The following CTNND2 variants were observed in gnomAD, a reference collection of about 807,000 sequenced individuals.
The protein encoded by CTNND2 is catenin delta-2.
In CTNND2, 22 loss-of-function variants were observed where a neutral mutation model predicts 144.4. The ratio of observed to expected loss-of-function variants is 0.15; its 90% CI spans 0.11 to 0.22. The LOEUF is 0.22. CTNND2 is among the 10% of genes least tolerant of loss of function. The pLI is 1.00. For missense variants in CTNND2, 1,353 were observed against 1,618.8 expected, an observed-to-expected ratio of 0.84 and a Z score of 2.82; for synonymous variants, 751 against 695.6, an observed-to-expected ratio of 1.08 and a Z score of -1.25.
At position 11,239,784 on chromosome 5, in the gene CTNND2, C is replaced by T. The variant is rs61750721; in HGVS notation, c.1629-2961G>A. On this transcript the variant is annotated intron_variant, in intron 9 of 21. Transcript: ENST00000304623. ...CCACTCAAATGCGGGGCCTCAGGCT[C>T]TTTACAACTTCCTCGGGGAATCCCG... Among the ~76,000 whole-genome samples the T allele has an allele frequency of 8.1e-3, 1,228 of 152,308 alleles. 12 individuals carry two copies. The highest frequency in any genetic ancestry group is 0.013 in the Non-Finnish European group (902 of 68,026).
chr5:11,769,427 A>G (rs1481117784), intron 1 of CTNND2, among the ~76,000 whole-genome samples: 1 of 152,226 alleles, frequency 6.6e-6, no homozygotes, highest in Non-Finnish European at 1.5e-5. Context: ...TAAATTCTTA[A>G]AGGAATTTTG....
chr5:11,256,974 C>A (rs1744317897), intron 9 of CTNND2, among the ~76,000 whole-genome samples: 1 of 152,154 alleles, frequency 6.6e-6, no homozygotes, highest in African/African-American at 2.4e-5. Flanking sequence ...TAAAAAAAGT[C>A]CAGACATTGT....
intron 1 of CTNND2, among the ~76,000 whole-genome samples, chr5:11,821,208 T>C (rs1392547678): frequency 6.6e-6 from 1 of 152,230 alleles, no homozygotes; most frequent in Non-Finnish European, 1.5e-5. Flanking sequence ...AGCTTATTCG[T>C]GTCATCTTAT....
chr5:11,056,251 G>A (rs1276843528), intron 16 of CTNND2, among the ~76,000 whole-genome samples: 10 of 152,126 alleles, frequency 6.6e-5, no homozygotes, highest in Non-Finnish European at 1.2e-4. Context: ...GTCACAATAC[G>A]TAGTGATGCC....
At chr5:11,442,416 C>A (rs971727920) in intron 3 of CTNND2, among the ~76,000 whole-genome samples, 17 of 152,162 alleles carry the variant, frequency 1.1e-4, no homozygotes, top group Non-Finnish European at 2.1e-4. Flanking sequence ...ATACAACTAA[C>A]ACTGACAGAA....
At chr5:11,737,681 T>C (rs1787767987) in intron 1 of CTNND2, among the ~76,000 whole-genome samples, 1 of 152,194 alleles carries the variant, frequency 6.6e-6, no homozygotes, top group Non-Finnish European at 1.5e-5. Flanking sequence ...TTAATCCCTA[T>C]GTGACTGTAT....
intron 12 of CTNND2, among the ~76,000 whole-genome samples, chr5:11,119,162 A>G (rs1753837728): frequency 6.6e-6 from 1 of 152,222 alleles, no homozygotes; most frequent in Non-Finnish European, 1.5e-5. Context: ...AAAGGGCTTC[A>G]GGCCTGTTGT....
chr5:11,575,255 C>T (rs1777889154), intron 2 of CTNND2, among the ~76,000 whole-genome samples: 1 of 152,182 alleles, frequency 6.6e-6, no homozygotes, highest in African/African-American at 2.4e-5. Context: ...GCTCTCAGTA[C>T]ATGAGGAATA....
intron 17 of CTNND2, among the ~76,000 whole-genome samples, chr5:11,019,464 G>A (rs1331883730): frequency 6.6e-6 from 1 of 152,308 alleles, no homozygotes; most frequent in African/African-American, 2.4e-5. Context: ...AGAAACAAAA[G>A]TGTAGTTTTT....
chr5:11,492,273 A>G (rs745962972), intron 3 of CTNND2, among the ~76,000 whole-genome samples: 1 of 152,182 alleles, frequency 6.6e-6, no homozygotes, highest in Non-Finnish European at 1.5e-5. Flanking sequence ...ACCCTGTGGC[A>G]AAGGAGCTTT....
chr5:11,481,960 C>T (rs1282603100), intron 3 of CTNND2, among the ~76,000 whole-genome samples: 1 of 152,132 alleles, frequency 6.6e-6, no homozygotes, highest in African/African-American at 2.4e-5. Flanking sequence ...TTCCTTTGCA[C>T]AATCTTTTGC....
At chr5:11,859,784 A>G (rs1407195001) in intron 1 of CTNND2, among the ~76,000 whole-genome samples, 1 of 152,148 alleles carries the variant, frequency 6.6e-6, no homozygotes, top group Non-Finnish European at 1.5e-5. Flanking sequence ...AGCAAAATTC[A>G]TTCATTAATG....
intron 18 of CTNND2, among the ~76,000 whole-genome samples, chr5:11,005,490 G>A (rs1740395443): frequency 1.3e-5 from 2 of 152,164 alleles, no homozygotes; most frequent in African/African-American, 4.8e-5. Flanking sequence ...CCAGGACCAG[G>A]GACAGATGAT....
intron 3 of CTNND2, among the ~76,000 whole-genome samples, chr5:11,470,099 A>T (rs11741349): frequency 0.12 from 18,527 of 152,212 alleles, 1,320 homozygotes; most frequent in African/African-American, 0.17. Flanking sequence ...CCTTCTTTAT[A>T]AAACACACCC....
chr5:11,698,368 A>G (rs1312208597), intron 2 of CTNND2, among the ~76,000 whole-genome samples: 24 of 151,882 alleles, frequency 1.6e-4, no homozygotes, highest in Admixed American at 1.6e-3. Context: ...GGCCCCCTGA[A>G]ACCTCCGCCT....
At chr5:11,735,630 G>A (rs1038550730) in intron 1 of CTNND2, among the ~76,000 whole-genome samples, 5 of 152,122 alleles carry the variant, frequency 3.3e-5, no homozygotes, top group African/African-American at 9.7e-5. Flanking sequence ...ATTAAATCAC[G>A]GAGGCAGGTT....
intron 2 of CTNND2, among the ~76,000 whole-genome samples, chr5:11,650,185 T>C (rs572388812): frequency 7.2e-4 from 109 of 152,052 alleles, no homozygotes; most frequent in Middle Eastern, 3.4e-3. Context: ...TAAAATCCCA[T>C]GAGATCTGGT....
chr5:11,621,325 A>T lies in CTNND2; in HGVS notation c.175-56269T>A, dbSNP rs1017416066. On this transcript the variant is annotated intron_variant, in intron 2 of 21. Transcript: ENST00000304623. ...AAATTTCATGTTGATTACATTAATC[A>T]TTATATTTTATTTGTAAGTAGGTTT... Among the ~76,000 whole-genome samples the T allele has an allele frequency of 2.6e-5, 4 of 152,314 alleles. No individual in the cohort carries two copies. The East Asian group carries it at 7.7e-4, about 29-fold the overall frequency.
At chr5:11,022,170 A>T (rs1742326171) in intron 17 of CTNND2, among the ~76,000 whole-genome samples, 1 of 152,142 alleles carries the variant, frequency 6.6e-6, no homozygotes, top group Non-Finnish European at 1.5e-5. Flanking sequence ...ATTTCTACTC[A>T]TTCTTTAAGA....
Sources: gnomAD v4.1 joint callset for allele counts (sites outside exome capture counted in the v4.1 genomes callset) on GRCh38, gnomAD v4.1.1 for gene constraint, MANE v1.5 for transcripts, NCBI Gene and HGNC (gene_info 2026-07-23, HGNC 2026-07-21) for gene names.